DENND4C: variants seen among roughly 807,000 people sequenced by gnomAD.
The protein encoded by DENND4C is DENN domain containing 4C, also known as DENN domain-containing protein 4C.
Under a neutral mutation model 203.0 loss-of-function variants are expected in DENND4C, and 108 were observed. The ratio of observed to expected loss-of-function variants is 0.53; its 90% CI spans 0.46 to 0.62. The LOEUF is 0.62. DENND4C is among the 20% of genes least tolerant of loss of function. DENND4C has a pLI of 0.00. For synonymous variants in DENND4C, 871 were observed against 792.4 expected, an observed-to-expected ratio of 1.10 and a Z score of -1.67; for missense variants, 2,481 against 2,301.2, an observed-to-expected ratio of 1.08 and a Z score of -1.60.
chr9:19,346,195 T>C lies in DENND4C; in HGVS notation c.3426T>C (p.His1142=). 1 of 1,614,224 alleles carries C rather than the reference T, an allele frequency of 6.2e-7. No individual in the cohort carries two copies. Among genetic ancestry groups the C allele is most frequent in the South Asian group, 1.1e-5 (1 of 91,086 alleles). ...ALTCPKTSLL[H]IARTHSFENV... The stretch of plus-strand genomic sequence containing the variant: ...CATGTCCTAAGACTTCTCTACTTCA[T>C]ATTGCAAGAACCCATAGCTTTGAGA... The change falls in exon 23 of 33, where the codon CAT becomes CAC. Residue 1142 remains histidine (H), a synonymous_variant. Transcript: ENST00000434457.
In DENND4C at chr9:19,270,788, A is replaced by G. The variant is rs567950681; in HGVS notation, c.-17-5370A>G. The stretch of plus-strand genomic sequence containing the variant: ...AAAAAGGCAGCTACAATGGAAAGAA[A>G]GAAGTAAAAATTGTCTTTATTCACA... On this transcript the variant is annotated intron_variant, in intron 1 of 32. Coordinates refer to ENST00000434457, the MANE Select transcript of DENND4C (RefSeq NM_001330640.2). 2.6e-5 allele frequency among the ~76,000 whole-genome samples: 4 copies of G among 152,364 alleles called. No individual in the cohort carries two copies. In the South Asian group the frequency reaches 8.3e-4, roughly 32 times the overall value.
intron 5 of DENND4C, among the ~76,000 whole-genome samples, chr9:19,295,763 G>C (rs118162917): frequency 0.02 from 3,058 of 151,960 alleles, 56 homozygotes; most frequent in Non-Finnish European, 0.025. Flanking sequence ...AGTTGTAAGA[G>C]GTTACCATCC....
At position 19,351,987 on chromosome 9, in the gene DENND4C, G is replaced by A. The variant is rs7034245; in HGVS notation, c.4496-86G>A. On this transcript the variant is annotated intron_variant, in intron 24 of 32. Coordinates refer to ENST00000434457, the MANE Select transcript of DENND4C (RefSeq NM_001330640.2). ...GAAAAACAGTTGCAGACTTTATTCT[G>A]TGTCCCCCCTAAATACTTTGGCATG... The A allele has an allele frequency of 6.2e-3, 6,457 of 1,049,690 alleles. 229 individuals carry two copies. In the African/African-American group the frequency reaches 0.086, roughly 14 times the overall value. 65.0% of individuals were successfully genotyped at this position (1,049,690 alleles called of 1,614,324 possible). A position where few individuals can be genotyped will look rare whatever the true frequency, so the allele number is the denominator to read the frequency against.
intron 9 of DENND4C, among the ~76,000 whole-genome samples, chr9:19,301,852 G>A (rs549061794): frequency 6.9e-4 from 105 of 152,110 alleles, no homozygotes; most frequent in Non-Finnish European, 1.2e-3. Context: ...CAGGAAAATC[G>A]CCTAAACCCA....
intron 1 of DENND4C, among the ~76,000 whole-genome samples, chr9:19,246,893 C>T (rs574815057): frequency 2.0e-5 from 3 of 152,302 alleles, no homozygotes; most frequent in African/African-American, 7.2e-5. Context: ...TTCTCACACA[C>T]ACCTTTCCTT....
intron 20 of DENND4C, 80 bp from the exon 21 acceptor site, chr9:19,340,912 T>TCGG: frequency 5.8e-6 from 7 of 1,202,004 alleles, no homozygotes; most frequent in Non-Finnish European, 7.6e-6. Flanking sequence ...TGTAGATCAG[T>TCGG]GGAATTTTCT....
At position 19,358,224 on chromosome 9, in the gene DENND4C, A is replaced by AT. The variant is rs1318175022; in HGVS notation, c.5160+65dup. The AT allele has an allele frequency of 1.5e-6, 2 of 1,321,980 alleles. No individual in the cohort carries two copies. Among genetic ancestry groups the AT allele is most frequent in the African/African-American group, 2.9e-5 (2 of 68,358 alleles). 81.9% of individuals were successfully genotyped at this position (1,321,980 alleles called of 1,614,324 possible). A position where few individuals can be genotyped will look rare whatever the true frequency, so the allele number is the denominator to read the frequency against. ...ACACCTAAGTATATAGTAGAACATT[A>AT]TAAATTCTTCTGTAGTGGACTTATT... On this transcript the variant is annotated intron_variant, in intron 28 of 32. Transcript: ENST00000434457. This position sits in a 1 kb window ranked among gnomAD's most constrained non-coding sequence, Gnocchi z 4.8.
chr9:19,283,717 C>A (rs529903824), intron 2 of DENND4C, among the ~76,000 whole-genome samples: 1 of 151,152 alleles, frequency 6.6e-6, no homozygotes, highest in Non-Finnish European at 1.5e-5. Context: ...ACCCCCACCC[C>A]CGCCAGTAGC....
chr9:19,351,805 TAAA>T (rs1343290615), intron 24 of DENND4C, among the ~76,000 whole-genome samples: 2 of 127,616 alleles, frequency 1.6e-5, no homozygotes, highest in Non-Finnish European at 1.7e-5. Context: ...AGACTCCATC[TAAA>T]AAAAAAAAAA....
At chr9:19,308,269 A>G (rs1588888286) in intron 10 of DENND4C, among the ~76,000 whole-genome samples, 1 of 152,176 alleles carries the variant, frequency 6.6e-6, no homozygotes, top group Non-Finnish European at 1.5e-5. Flanking sequence ...CTAATACCAG[A>G]TTACTCTCCC....
Position 19,373,199 on chromosome 9 carries a change from T to G in DENND4C, c.*1026T>G, listed in dbSNP as rs942432104. Reference sequence around the variant, plus strand: ...TTTTTGTACCAACATAATACACCTTTCATATTATGTATTATCTTGCTTAAT... The same window carrying G: ...TTTTTGTACCAACATAATACACCTTGCATATTATGTATTATCTTGCTTAAT... On this transcript the variant is annotated 3_prime_UTR_variant, in exon 33 of 33. Coordinates refer to ENST00000434457, the MANE Select transcript of DENND4C (RefSeq NM_001330640.2). The G allele has an allele frequency of 1.3e-5, 2 of 152,206 alleles. No homozygotes were observed. The highest frequency in any genetic ancestry group is 4.8e-5 in the African/African-American group (2 of 41,456). 9.4% of individuals were successfully genotyped at this position (152,206 alleles called of 1,614,324 possible).
Position 19,316,305 on chromosome 9 carries a change from C to T in DENND4C, c.1488-112C>T, listed in dbSNP as rs991914766. The T allele has an allele frequency of 8.0e-6, 6 of 748,234 alleles. No individual in the cohort carries two copies. The African/African-American group carries it at 8.9e-5, about 11-fold the overall frequency. The allele number at this position is 748,234 out of a possible 1,614,324, so 46.3% of individuals were successfully genotyped here. A position where few individuals can be genotyped will look rare whatever the true frequency, so the allele number is the denominator to read the frequency against. On this transcript the variant is annotated intron_variant, in intron 10 of 32. Transcript: ENST00000434457. ...TTCAAATTGTTTGCATCAGTTAAGA[C>T]TGTAGTAAAAACATCTTTTCCATTT...
At chr9:19,252,880 C>T (rs935323046) in intron 1 of DENND4C, among the ~76,000 whole-genome samples, 1 of 152,106 alleles carries the variant, frequency 6.6e-6, no homozygotes, top group African/African-American at 2.4e-5. Flanking sequence ...GGACCACAGG[C>T]ACGAGCCGCC....
intron 30 of DENND4C, among the ~76,000 whole-genome samples, chr9:19,362,878 T>C (rs1002636997): frequency 3.3e-5 from 5 of 152,182 alleles, no homozygotes; most frequent in African/African-American, 9.7e-5. Flanking sequence ...GTAAGAAAAA[T>C]ACAATTCAGT....
intron 1 of DENND4C, among the ~76,000 whole-genome samples, chr9:19,256,083 A>T (rs1022390320): frequency 6.7e-6 from 1 of 149,956 alleles, no homozygotes; most frequent in African/African-American, 2.5e-5. Context: ...GCAAAAAAAT[A>T]AATGAAAAAA....
intron 1 of DENND4C, among the ~76,000 whole-genome samples, chr9:19,261,087 A>G (rs1027006515): frequency 6.6e-6 from 1 of 152,018 alleles, no homozygotes; most frequent in African/African-American, 2.4e-5. Flanking sequence ...ATTGATATCT[A>G]GTTTTCCCAG....
At chr9:19,301,554 A>G in intron 9 of DENND4C, among the ~76,000 whole-genome samples, 1 of 152,244 alleles carries the variant, frequency 6.6e-6, no homozygotes, top group East Asian at 1.9e-4. Context: ...CTCATTAAGT[A>G]TTACTTTTCC....
intron 10 of DENND4C, among the ~76,000 whole-genome samples, chr9:19,309,354 A>G (rs542370798): frequency 5.3e-5 from 8 of 151,884 alleles, no homozygotes; most frequent in Non-Finnish European, 1.0e-4. Context: ...CCCAGGAGGC[A>G]GAGGTTGCAG....
At chr9:19,286,221 A>G (rs1457598079) in intron 2 of DENND4C, among the ~76,000 whole-genome samples, 1 of 152,148 alleles carries the variant, frequency 6.6e-6, no homozygotes, top group African/African-American at 2.4e-5. Context: ...TGAAGATTGA[A>G]TTAATCAGAT....
Sources: gnomAD v4.1 joint callset for allele counts (sites outside exome capture counted in the v4.1 genomes callset) on GRCh38, gnomAD v4.1.1 for gene constraint, Gnocchi (gnomAD v3.1) non-coding constraint, MANE v1.5 for transcripts, NCBI Gene and HGNC (gene_info 2026-07-23, HGNC 2026-07-21) for gene names.